The following DPH6 variants were observed in gnomAD, a reference collection of about 807,000 sequenced individuals.
DPH6 encodes diphthamine biosynthesis 6, also known as diphthine--ammonia ligase.
In DPH6, 33 loss-of-function variants were observed where a neutral mutation model predicts 38.2. That is an observed-to-expected ratio of 0.86 (90% CI 0.65 to 1.15). DPH6 has a LOEUF of 1.15. DPH6 is among the 50% of genes most tolerant of loss of function. DPH6 has a pLI of 0.00. For missense variants in DPH6, 325 were observed against 320.0 expected, an observed-to-expected ratio of 1.02 and a Z score of -0.12; for synonymous variants, 108 against 103.0, an observed-to-expected ratio of 1.05 and a Z score of -0.30.
chr15:35,544,323 G>C (rs1343384599), intron 1 of DPH6, among the ~76,000 whole-genome samples: 1 of 151,236 alleles, frequency 6.6e-6, no homozygotes, highest in Non-Finnish European at 1.5e-5. Flanking sequence ...TGGACACAGG[G>C]AGGGGCACAT....
intron 6 of DPH6, among the ~76,000 whole-genome samples, chr15:35,405,575 T>C (rs1403829548): frequency 6.6e-6 from 1 of 152,148 alleles, no homozygotes; most frequent in Non-Finnish European, 1.5e-5. Context: ...TTTACTGAAC[T>C]TGTTTATCAG....
At chr15:35,199,212 G>A in the DPH6 span, among the ~76,000 whole-genome samples, 609 of 152,168 alleles carry the variant, frequency 4.0e-3, 3 homozygotes, top group African/African-American at 0.014. Context: ...CACGCCCAGC[G>A]AATTTGTTGT....
At chr15:35,416,959 T>C (rs1003485675) in intron 5 of DPH6, among the ~76,000 whole-genome samples, 4 of 152,206 alleles carry the variant, frequency 2.6e-5, no homozygotes, top group African/African-American at 7.2e-5. Flanking sequence ...GTTAGGGATG[T>C]TGTAGGAAGA....
intron 6 of DPH6, among the ~76,000 whole-genome samples, chr15:35,403,587 G>T (rs1476352903): frequency 6.6e-6 from 1 of 151,944 alleles, no homozygotes; most frequent in Non-Finnish European, 1.5e-5. Context: ...CATGGCTCAT[G>T]GCAGCCTCGA....
chr15:35,450,923 C>CT (rs2087152402), intron 4 of DPH6, 120 bp from the exon 5 acceptor site: 3 of 736,784 alleles, frequency 4.1e-6, no homozygotes, highest in Middle Eastern at 8.1e-4. Flanking sequence ...ATTGAAAATG[C>CT]TTTTAAAAAC....
At chr15:35,411,089 CT>C (rs1264374820) in intron 5 of DPH6, among the ~76,000 whole-genome samples, 193 bp from the exon 6 acceptor site, 2 of 151,566 alleles carry the variant, frequency 1.3e-5, no homozygotes, top group Non-Finnish European at 3.0e-5. Flanking sequence ...TTTATTGCTT[CT>C]GAAAAGTAAG....
At chr15:35,464,728 C>A (rs1201879942) in intron 3 of DPH6, among the ~76,000 whole-genome samples, 1 of 152,122 alleles carries the variant, frequency 6.6e-6, no homozygotes, top group Non-Finnish European at 1.5e-5. Context: ...ATTCTAATCA[C>A]CAAAATGTAA....
At chr15:35,167,297 T>G in the DPH6 span, among the ~76,000 whole-genome samples, 2 of 152,004 alleles carry the variant, frequency 1.3e-5, no homozygotes, top group Non-Finnish European at 2.9e-5. Context: ...CACTTTCACA[T>G]AGATTATCTC....
chr15:35,290,336 G>A (rs1416019688), intron 3 of DPH6, among the ~76,000 whole-genome samples: 1 of 152,166 alleles, frequency 6.6e-6, no homozygotes, highest in Non-Finnish European at 1.5e-5. Context: ...CATCATTTCT[G>A]CAAAGGCACT....
chr15:35,171,765 T>C, the DPH6 span, among the ~76,000 whole-genome samples: 3 of 152,038 alleles, frequency 2.0e-5, no homozygotes, highest in African/African-American at 4.8e-5. Context: ...CTGGAATACT[T>C]GGGATGGGAC....
At chr15:35,508,534 T>C (rs1027210185) in intron 3 of DPH6, among the ~76,000 whole-genome samples, 17 of 152,138 alleles carry the variant, frequency 1.1e-4, no homozygotes, top group African/African-American at 3.9e-4. Flanking sequence ...GCAATTTCCA[T>C]TTCACTGGGC....
At chr15:35,520,641 T>A (rs1335530918) in intron 3 of DPH6, 4 of 984,790 alleles carry the variant, frequency 4.1e-6, no homozygotes, top group Non-Finnish European at 4.8e-6. Context: ...TAAAAGGGAG[T>A]TAAATTATCT....
chr15:35,237,838 G>GGAGGAT, intron 3 of DPH6: 1 of 1,540,566 alleles, frequency 6.5e-7, no homozygotes, highest in Non-Finnish European at 9.0e-7. Flanking sequence ...AGGAGGAGGA[G>GGAGGAT]GAGGATGAGG....
intron 6 of DPH6, among the ~76,000 whole-genome samples, chr15:35,403,682 A>T (rs565174019): frequency 6.6e-6 from 1 of 151,896 alleles, no homozygotes; most frequent in Non-Finnish European, 1.5e-5. Context: ...TAGTTTTTTC[A>T]TATTTTTTGT....
At chr15:35,456,030 A>G (rs1859779199) in intron 3 of DPH6, among the ~76,000 whole-genome samples, 1 of 152,230 alleles carries the variant, frequency 6.6e-6, no homozygotes, top group Admixed American at 6.5e-5. Context: ...GCCCTCCAAA[A>G]TGATGGAGAA....
chr15:35,283,757 TACACACACACACAC>T (rs3028682), intron 3 of DPH6, among the ~76,000 whole-genome samples: 2 of 140,580 alleles, frequency 1.4e-5, no homozygotes, highest in South Asian at 2.3e-4. Flanking sequence ...GCACAGATAG[TACACACACACACAC>T]ACACACACAC....
At chr15:35,402,944 A>C (rs907781512) in intron 6 of DPH6, among the ~76,000 whole-genome samples, 1 of 152,124 alleles carries the variant, frequency 6.6e-6, no homozygotes, top group Non-Finnish European at 1.5e-5. Context: ...AAATAATGAT[A>C]CCTTCATATG....
chr15:35,379,230 G>T (rs1035268816), intron 7 of DPH6, among the ~76,000 whole-genome samples: 1 of 152,060 alleles, frequency 6.6e-6, no homozygotes, highest in Non-Finnish European at 1.5e-5. Flanking sequence ...CCTCAAAAAA[G>T]ATATCTAATT....
At chr15:35,317,919 GTATAA>G (rs2052207291) in intron 3 of DPH6, among the ~76,000 whole-genome samples, 1 of 151,540 alleles carries the variant, frequency 6.6e-6, no homozygotes, top group Non-Finnish European at 1.5e-5. Flanking sequence ...GTAAATGAAT[GTATAA>G]TTAATAAACC....
Sources: allele counts gnomAD v4.1 joint callset (sites outside exome capture counted in the v4.1 genomes callset), GRCh38; gene constraint gnomAD v4.1.1; transcripts MANE v1.5; gene names NCBI Gene and HGNC (gene_info 2026-07-23, HGNC 2026-07-21).